The following TEX9 variants were observed in gnomAD, a reference collection of about 807,000 sequenced individuals.
The protein encoded by TEX9 is testis-expressed protein 9.
Under a neutral mutation model 59.6 loss-of-function variants are expected in TEX9, and 74 were observed. That is an observed-to-expected ratio of 1.24 (90% CI 1.03 to 1.51). The LOEUF is 1.51. Ranked by LOEUF, TEX9 falls within the 40% of genes most tolerant of loss-of-function variation. TEX9 has a pLI of 0.00. For synonymous variants in TEX9, 186 were observed against 152.2 expected (o/e 1.22, Z -1.64); for missense variants, 522 against 447.8 (o/e 1.17, Z -1.49).
intron 1 of TEX9, chr15:56,249,213 G>C (rs1164984819): frequency 6.6e-6 from 1 of 152,038 alleles, no homozygotes; most frequent in Non-Finnish European, 1.5e-5. Context: ...TTCCAAGCAG[G>C]CTTCAAGGGA....
chr15:56,426,469 G>A (rs1224970943), intron 10 of TEX9, among the ~76,000 whole-genome samples: 1 of 150,178 alleles, frequency 6.7e-6, no homozygotes, highest in South Asian at 2.1e-4. Flanking sequence ...TTTGGTCTGT[G>A]TATCATATAG....
intron 9 of TEX9, among the ~76,000 whole-genome samples, chr15:56,407,729 T>C (rs1247832630): frequency 1.3e-5 from 2 of 152,196 alleles, no homozygotes; most frequent in African/African-American, 2.4e-5. Context: ...TGGTCTTTTT[T>C]CCTCAACTTT....
At chr15:56,426,154 T>G (rs528232604) in intron 10 of TEX9, among the ~76,000 whole-genome samples, 2 of 152,086 alleles carry the variant, frequency 1.3e-5, no homozygotes, top group East Asian at 3.9e-4. Context: ...CAACCTGATA[T>G]CCAAATGATG....
intron 6 of TEX9, 130 bp downstream of exon 6, chr15:56,389,530 A>G (rs1365490687): frequency 4.7e-6 from 3 of 637,112 alleles, no homozygotes; most frequent in Non-Finnish European, 5.4e-6. Flanking sequence ...TACACCACAT[A>G]TATCTTATCC....
intron 3 of TEX9, among the ~76,000 whole-genome samples, chr15:56,381,397 C>G (rs186413725): frequency 6.6e-6 from 1 of 152,232 alleles, no homozygotes; most frequent in East Asian, 1.9e-4. Flanking sequence ...CAGGATTGGT[C>G]TCTGGTGTCT....
chr15:56,261,913 A>G lies in TEX9; in HGVS notation c.-107+17635A>G, dbSNP rs1015037031. ...GTTGTAGAGGGCACTGCTGTGGCTC[A>G]CTGGATGCCAGAGAAGTTGCCATGG... On this transcript the variant is annotated intron_variant, in intron 1 of 5. Coordinates refer to the TEX9 transcript ENST00000560827. Among the ~76,000 whole-genome samples, 9 of 152,170 alleles carry G rather than the reference A, an allele frequency of 5.9e-5. No homozygotes were observed. The East Asian group carries it at 9.6e-4, about 16-fold the overall frequency.
intron 1 of TEX9, among the ~76,000 whole-genome samples, chr15:56,247,039 A>C (rs1156988363): frequency 6.6e-6 from 1 of 152,350 alleles, no homozygotes; most frequent in East Asian, 1.9e-4. Flanking sequence ...GTCCCAGGAC[A>C]TAATTCCTGA....
rs1234870935 is a variant in TEX9, at chr15:56,389,306, C to A, written c.313-12C>A. On this transcript the variant is annotated splice_polypyrimidine_tract_variant and intron_variant, in intron 5 of 12. Transcript: ENST00000352903. Reference sequence around the variant, plus strand: ...CTCTAATTAGTCAATACTTTCAATTCTTTTCATGTAGCCAAAGACCAAAAA... The same window carrying A: ...CTCTAATTAGTCAATACTTTCAATTATTTTCATGTAGCCAAAGACCAAAAA... 3 of 1,600,730 alleles carry A rather than the reference C, an allele frequency of 1.9e-6. No homozygotes were observed. The highest frequency in any genetic ancestry group is 1.1e-5 in the South Asian group (1 of 90,396).
chr15:56,250,241 T>G (rs1312409153), intron 1 of TEX9, among the ~76,000 whole-genome samples: 1 of 152,200 alleles, frequency 6.6e-6, no homozygotes, highest in African/African-American at 2.4e-5. Context: ...AGGTGAGATA[T>G]ATAAGATTAA....
upstream of TEX9, among the ~76,000 whole-genome samples, chr15:56,362,850 T>G (rs1201052158): frequency 6.6e-6 from 1 of 152,246 alleles, no homozygotes; most frequent in East Asian, 1.9e-4. Context: ...TAGATAATAC[T>G]TGGTCTTTTG....
chr15:56,276,231 A>G (rs1470254378), intron 1 of TEX9, among the ~76,000 whole-genome samples: 2 of 152,040 alleles, frequency 1.3e-5, no homozygotes, highest in African/African-American at 4.8e-5. Context: ...TTACATAGGT[A>G]TACATGGGCC....
At chr15:56,339,060 G>A (rs1380290105) in intron 1 of TEX9, among the ~76,000 whole-genome samples, 1 of 151,798 alleles carries the variant, frequency 6.6e-6, no homozygotes, top group African/African-American at 2.4e-5. Flanking sequence ...AGTAGTCCTG[G>A]TATTTTCAAA....
chr15:56,252,816 G>A (rs924891580), intron 1 of TEX9, among the ~76,000 whole-genome samples: 26 of 152,120 alleles, frequency 1.7e-4, no homozygotes, highest in African/African-American at 5.3e-4. Flanking sequence ...TCTCAGGCAA[G>A]TTCTTTGCTT....
At chr15:56,452,090 TC>T in the TEX9 span, among the ~76,000 whole-genome samples, 1 of 152,232 alleles carries the variant, frequency 6.6e-6, no homozygotes, top group East Asian at 1.9e-4. Context: ...GTCTTCCCTG[TC>T]CTATGTTCTC....
chr15:56,311,927 CT>C (rs1299754734), intron 1 of TEX9, among the ~76,000 whole-genome samples: 2 of 147,896 alleles, frequency 1.4e-5, no homozygotes, highest in African/African-American at 4.9e-5. Context: ...TGTTTTTTGG[CT>C]GCATAAATGT....
intron 1 of TEX9, among the ~76,000 whole-genome samples, chr15:56,359,151 T>C (rs1397428826): frequency 6.6e-6 from 1 of 152,102 alleles, no homozygotes; most frequent in Non-Finnish European, 1.5e-5. Flanking sequence ...TTTTGAGGAG[T>C]ATTGGTTGGA....
the TEX9 span, among the ~76,000 whole-genome samples, chr15:56,454,768 T>C: frequency 1.3e-5 from 2 of 152,168 alleles, no homozygotes; most frequent in African/African-American, 4.8e-5. Flanking sequence ...CTTTGTACCA[T>C]AGCCCGTATC....
chr15:56,348,528 G>A (rs1318876934), intron 1 of TEX9, among the ~76,000 whole-genome samples: 1 of 152,074 alleles, frequency 6.6e-6, no homozygotes, highest in Non-Finnish European at 1.5e-5. Context: ...ACTCAGGGTT[G>A]ATGGTTTTTC....
intron 1 of TEX9, among the ~76,000 whole-genome samples, chr15:56,337,347 T>C (rs540106822): frequency 1.3e-5 from 2 of 152,296 alleles, no homozygotes; most frequent in East Asian, 3.9e-4. Context: ...CTGTGGATAC[T>C]GCATGTATTC....
Sources: allele counts gnomAD v4.1 joint callset (sites outside exome capture counted in the v4.1 genomes callset), GRCh38; gene constraint gnomAD v4.1.1; transcripts MANE v1.5; gene names NCBI Gene and HGNC (gene_info 2026-07-23, HGNC 2026-07-21).